Variants in CARMIL1 observed in about 807,000 individuals in gnomAD.
The protein encoded by CARMIL1 is capping protein regulator and myosin 1 linker 1, also known as F-actin-uncapping protein LRRC16A.
Under a neutral mutation model 177.1 loss-of-function variants are expected in CARMIL1, and 90 were observed. The observed-to-expected ratio is 0.51, with a 90% CI of 0.43 to 0.61. CARMIL1 has a LOEUF of 0.61. CARMIL1 is among the 20% of genes least tolerant of loss of function. The pLI is 0.00. For missense variants in CARMIL1, 1,380 were observed against 1,667.0 expected, an observed-to-expected ratio of 0.83 and a Z score of 3.00; for synonymous variants, 577 against 606.2, an observed-to-expected ratio of 0.95 and a Z score of 0.71.
intron 8 of CARMIL1, among the ~76,000 whole-genome samples, chr6:25,459,265 T>TCTTTCTTTCTTTC (rs1562167771): frequency 1.7e-5 from 2 of 115,294 alleles, no homozygotes; most frequent in Non-Finnish European, 3.7e-5. Context: ...TTTCTTTCTT[T>TCTTTCTTTCTTTC]CTTTTTTTTT....
chr6:25,571,964 C>T (rs564327316), intron 29 of CARMIL1, among the ~76,000 whole-genome samples: 15 of 152,068 alleles, frequency 9.9e-5, no homozygotes, highest in South Asian at 6.2e-4. Context: ...ATTAAGATCC[C>T]GAAAGGGGAG....
At chr6:25,448,916 C>CTTTTTTTTTTTTTTTTTTTTTTT (rs36000360) in intron 5 of CARMIL1, among the ~76,000 whole-genome samples, 1 of 126,456 alleles carries the variant, frequency 7.9e-6, no homozygotes, top group Non-Finnish European at 1.7e-5. Flanking sequence ...AGGGATTCTT[C>CTTTTTTTTTTTTTTTTTTTTTTT]TTTTTTTTTT....
intron 33 of CARMIL1, among the ~76,000 whole-genome samples, chr6:25,604,379 C>T (rs968790167): frequency 6.6e-6 from 1 of 152,210 alleles, no homozygotes; most frequent in African/African-American, 2.4e-5. Context: ...CCACTGCACC[C>T]AGCCAAAACT....
rs777734344 is a variant in CARMIL1, at chr6:25,528,822, G to A, written c.1996G>A (p.Glu666Lys). ...KIENYLLRNH[E>K]TRKYLQEQAY... ...AGAAAACTACCTGCTACGAAATCAC[G>A]AGACTAGAAAATACCTTCAAGAGCA... The change falls in exon 24 of 37, where the codon GAG becomes AAG. Residue 666 changes from glutamate (E) to lysine (K), a missense_variant. Transcript: ENST00000329474. 6.8e-6 allele frequency: 11 copies of A among 1,608,122 alleles called. No homozygotes were observed. Among genetic ancestry groups the A allele is most frequent in the Admixed American group, 3.4e-5 (2 of 59,362 alleles).
chr6:25,604,516 C>T (rs1815746904), intron 33 of CARMIL1, among the ~76,000 whole-genome samples: 1 of 152,136 alleles, frequency 6.6e-6, no homozygotes, highest in Non-Finnish European at 1.5e-5. Flanking sequence ...GTAAAGGTCA[C>T]CAAGCCCACT....
At chr6:25,404,601 C>G (rs908999468) in intron 2 of CARMIL1, among the ~76,000 whole-genome samples, 1 of 151,970 alleles carries the variant, frequency 6.6e-6, no homozygotes, top group Non-Finnish European at 1.5e-5. Flanking sequence ...ACTAAAAATA[C>G]AAAAATTAGC....
rs77586731 is a variant in CARMIL1 at position 25,360,653 on chromosome 6, A to G, written c.139-59461A>G. 0.013 allele frequency among the ~76,000 whole-genome samples: 1,995 copies of G among 152,336 alleles called. 73 individuals are homozygous for G. The East Asian group carries it at 0.14, about 10-fold the overall frequency. ...AAATGCTGCTCAAATTATTGTGCCC[A>G]AGAGGAGAGATTTGGCCCTGTGATA... is the stretch of plus-strand genomic sequence containing the variant. On this transcript the variant is annotated intron_variant, in intron 2 of 36. Coordinates refer to ENST00000329474, the MANE Select transcript of CARMIL1 (RefSeq NM_017640.6).
intron 2 of CARMIL1, among the ~76,000 whole-genome samples, chr6:25,387,408 C>T (rs982742373): frequency 2.0e-5 from 3 of 152,198 alleles, no homozygotes; most frequent in Non-Finnish European, 4.4e-5. Flanking sequence ...ATAGCTGAAT[C>T]TGTTGAACAC....
At chr6:25,344,115 C>T (rs890678433) in intron 2 of CARMIL1, among the ~76,000 whole-genome samples, 11 of 152,180 alleles carry the variant, frequency 7.2e-5, no homozygotes, top group Admixed American at 3.9e-4. Flanking sequence ...CTCCATCCCA[C>T]GGTCATATCT....
intron 29 of CARMIL1, among the ~76,000 whole-genome samples, chr6:25,580,034 C>G (rs763571507): frequency 6.6e-6 from 1 of 152,200 alleles, no homozygotes; most frequent in Non-Finnish European, 1.5e-5. Flanking sequence ...ACATCCCTAA[C>G]ATCCATCCAT....
intron 16 of CARMIL1, among the ~76,000 whole-genome samples, 186 bp downstream of exon 16, chr6:25,495,401 G>A (rs567786329): frequency 6.2e-4 from 94 of 152,224 alleles, no homozygotes; most frequent in African/African-American, 2.2e-3. Flanking sequence ...TGATATTATT[G>A]CATCTTCTAA....
rs551280795 is a variant in CARMIL1, at chr6:25,293,000, C to T, written c.138+8091C>T. Among the ~76,000 whole-genome samples, 9 of 151,942 alleles carry T rather than the reference C, an allele frequency of 5.9e-5. No homozygotes were observed. The East Asian group carries it at 9.6e-4, about 16-fold the overall frequency. On this transcript the variant is annotated intron_variant, in intron 2 of 36. Coordinates refer to ENST00000329474, the MANE Select transcript of CARMIL1 (RefSeq NM_017640.6). ...ACTTTAGGTTTCATTTCATTGGAAA[C>T]GCTGTTAATATCTTTGTTAAAATAG...
intron 2 of CARMIL1, among the ~76,000 whole-genome samples, chr6:25,356,588 C>T (rs144241527): frequency 1.3e-4 from 20 of 152,324 alleles, no homozygotes; most frequent in African/African-American, 4.1e-4. Flanking sequence ...GGTCCCAGCA[C>T]GGAAAGATGT....
intron 8 of CARMIL1, among the ~76,000 whole-genome samples, chr6:25,458,025 G>A (rs1799693728): frequency 6.6e-6 from 1 of 152,158 alleles, no homozygotes; most frequent in African/African-American, 2.4e-5. Flanking sequence ...AGGGGAAAGG[G>A]AGTAAGGAGG....
intron 2 of CARMIL1, among the ~76,000 whole-genome samples, chr6:25,417,607 G>C (rs774353640): frequency 6.6e-6 from 1 of 152,152 alleles, no homozygotes; most frequent in Non-Finnish European, 1.5e-5. Context: ...CTACCTTCAC[G>C]GTAACTGATC....
At chr6:25,297,746 G>A (rs1782531195) in intron 2 of CARMIL1, among the ~76,000 whole-genome samples, 1 of 152,212 alleles carries the variant, frequency 6.6e-6, no homozygotes, top group African/African-American at 2.4e-5. Flanking sequence ...AACTGAACAA[G>A]TGGTGTCAGC....
chr6:25,527,665 T>C (rs1339907207), intron 23 of CARMIL1: 1 of 447,396 alleles, frequency 2.2e-6, no homozygotes, highest in Non-Finnish European at 4.4e-6. Flanking sequence ...TGTGCCACTT[T>C]AATGATGTTT....
At chr6:25,484,487 A>G (rs1430092392) in intron 12 of CARMIL1, among the ~76,000 whole-genome samples, 1 of 152,246 alleles carries the variant, frequency 6.6e-6, no homozygotes, top group Non-Finnish European at 1.5e-5. Flanking sequence ...GGATTTCCCC[A>G]GGAGTCAGTG....
At chr6:25,498,729 T>C (rs1236605726) in intron 16 of CARMIL1, among the ~76,000 whole-genome samples, 2 of 152,208 alleles carry the variant, frequency 1.3e-5, no homozygotes, top group Non-Finnish European at 2.9e-5. Flanking sequence ...GTTCTTAAGG[T>C]CATTCACCCA....
Sources: gnomAD v4.1 joint callset for allele counts (sites outside exome capture counted in the v4.1 genomes callset) on GRCh38, gnomAD v4.1.1 for gene constraint, MANE v1.5 for transcripts, NCBI Gene and HGNC (gene_info 2026-07-23, HGNC 2026-07-21) for gene names.